Variants in PTGER3 observed in about 807,000 individuals in gnomAD.
The protein encoded by PTGER3 is prostaglandin E2 receptor EP3 subtype.
In PTGER3, 22 loss-of-function variants were observed where a neutral mutation model predicts 34.7. The ratio of observed to expected loss-of-function variants is 0.63; its 90% confidence interval spans 0.45 to 0.91. The LOEUF (loss-of-function observed/expected upper bound fraction) is 0.91, where lower values mean the gene tolerates loss of function less well. Ranked by LOEUF, PTGER3 falls within the 40% of genes least tolerant of loss-of-function variation. The probability of loss-of-function intolerance (pLI) is 0.00; values close to 1 mark genes in which losing one functional copy is unlikely to be tolerated. For missense variants in PTGER3, 468 were observed against 519.4 expected (o/e 0.90, Z 0.96); for synonymous variants, 241 against 230.1 (o/e 1.05, Z -0.43).
At chr1:71,034,549 G>C (rs1659665400) in intron 1 of PTGER3, among the ~76,000 whole-genome samples, 1 of 152,196 alleles carries the variant, frequency 6.6e-6, no homozygotes, top group Non-Finnish European at 1.5e-5. Flanking sequence ...TGTATGCAGT[G>C]ACTGAGTTGT....
chr1:70,860,034 G>A (rs1014626524), intron 4 of PTGER3, among the ~76,000 whole-genome samples: 4 of 149,730 alleles, frequency 2.7e-5, no homozygotes, highest in African/African-American at 9.8e-5. Context: ...GTATGGGACC[G>A]TAATATTAGA....
chr1:70,957,142 G>C (rs1332514532), intron 2 of PTGER3, among the ~76,000 whole-genome samples: 1 of 152,112 alleles, frequency 6.6e-6, no homozygotes, highest in Admixed American at 6.5e-5. Flanking sequence ...CTCTGTTTTC[G>C]GTAATAACAT....
At chr1:70,996,642 T>TTTA (rs1446929547) in intron 2 of PTGER3, among the ~76,000 whole-genome samples, 42 of 126,410 alleles carry the variant, frequency 3.3e-4, no homozygotes, top group African/African-American at 1.4e-3. Flanking sequence ...TTTGTATTTT[T>TTTA]ATTTATTTAT....
chr1:70,970,221 C>T (rs937262767), downstream of PTGER3, among the ~76,000 whole-genome samples: 10 of 152,122 alleles, frequency 6.6e-5, no homozygotes, highest in African/African-American at 2.4e-4. Context: ...ACTGTACCAT[C>T]TTTTGTAAAA....
intron 2 of PTGER3, among the ~76,000 whole-genome samples, chr1:70,994,721 G>T (rs146688928): frequency 6.6e-6 from 1 of 152,142 alleles, no homozygotes; most frequent in African/African-American, 2.4e-5. Context: ...CTCCTAAAGT[G>T]CTGGGATTAC....
intron 2 of PTGER3, chr1:71,006,588 T>A: frequency 1.0e-6 from 1 of 979,792 alleles, no homozygotes; most frequent in South Asian, 4.7e-5. Context: ...AGAACAATAA[T>A]CTTGAGATAA....
rs559892091 is a variant in PTGER3 at position 70,905,910 on chromosome 1, C to A, written c.*23+47853G>T. Among the ~76,000 whole-genome samples the A allele has an allele frequency of 2.4e-4, 36 of 152,238 alleles. No homozygotes were observed. The South Asian group carries it at 5.8e-3, about 25-fold the overall frequency. On this transcript the variant is annotated intron_variant, in intron 4 of 4. Coordinates refer to the PTGER3 transcript ENST00000370931. ...GACTGTGTCCCCACTCAAATCTCAT[C>A]TTGAACTGTAACTCTCACAATTGCC...
At chr1:70,937,503 T>C (rs1649334833) in intron 4 of PTGER3, among the ~76,000 whole-genome samples, 1 of 152,158 alleles carries the variant, frequency 6.6e-6, no homozygotes, top group Non-Finnish European at 1.5e-5. Flanking sequence ...TAAAGTACAC[T>C]ATGCAAAGTG....
rs1654158381 is a variant in PTGER3, at chr1:70,980,593, A to G, written c.1078-6205T>C. On this transcript the variant is annotated intron_variant, in intron 2 of 3. Coordinates refer to ENST00000306666, the MANE Select transcript of PTGER3 (RefSeq NM_198719.2). ...TCCCAGGAATCTGAGCCATGATGGC[A>G]CCAATGCACTCCAGCCTGGGTGACA... Among the ~76,000 whole-genome samples, 5 of 152,192 alleles carry G rather than the reference A, an allele frequency of 3.3e-5. No homozygotes were observed. The South Asian group carries it at 1.0e-3, about 32-fold the overall frequency.
chr1:70,973,419 T>C (rs977525154), intron 3 of PTGER3, among the ~76,000 whole-genome samples: 3 of 152,148 alleles, frequency 2.0e-5, no homozygotes, highest in African/African-American at 7.2e-5. Flanking sequence ...TATATCTCTA[T>C]TGAAAAAACA....
At chr1:70,956,602 A>G (rs1472947604) in intron 2 of PTGER3, among the ~76,000 whole-genome samples, 1 of 152,208 alleles carries the variant, frequency 6.6e-6, no homozygotes, top group African/African-American at 2.4e-5. Flanking sequence ...ATGATCATGA[A>G]CTGCCTTTAG....
intron 2 of PTGER3, among the ~76,000 whole-genome samples, chr1:70,975,216 G>A (rs536830605): frequency 6.6e-6 from 1 of 152,096 alleles, no homozygotes; most frequent in Non-Finnish European, 1.5e-5. Context: ...CAGCTACCAC[G>A]GTGCCTGGCA....
At chr1:70,942,982 T>G (rs572994795) in intron 4 of PTGER3, among the ~76,000 whole-genome samples, 17 of 152,294 alleles carry the variant, frequency 1.1e-4, no homozygotes, top group African/African-American at 3.8e-4. Context: ...AGTCTGTGGG[T>G]ATTTTGTTAC....
chr1:70,862,310 C>T, intron 4 of PTGER3: 1 of 1,352,732 alleles, frequency 7.4e-7, no homozygotes, highest in Non-Finnish European at 9.9e-7. Context: ...CTTACATCTG[C>T]TGTCAAAATA....
Position 70,971,209 on chromosome 1 carries a change from A to G in PTGER3, c.*521T>C, listed in dbSNP as rs541255075. ...AAACATTAATCATAATTGGGCACAA[A>G]TATTTTTTGTCACGATTCCCTCCTG... On this transcript the variant is annotated 3_prime_UTR_variant, in exon 4 of 4. Transcript: ENST00000306666. 2.1e-5 allele frequency: 21 copies of G among 985,362 alleles called. No homozygotes were observed. The African/African-American group carries it at 3.3e-4, about 16-fold the overall frequency. The allele number at this position is 985,362 out of a possible 1,614,324, so 61.0% of individuals were successfully genotyped here.
At chr1:70,966,902 A>G (rs1425316377), downstream of PTGER3, among the ~76,000 whole-genome samples, 1 of 152,146 alleles carries the variant, frequency 6.6e-6, no homozygotes, top group African/African-American at 2.4e-5. Flanking sequence ...TAGTGCTGCA[A>G]TAAACATACA....
intron 4 of PTGER3, chr1:70,865,679 C>A: frequency 7.3e-7 from 1 of 1,365,988 alleles, no homozygotes. Context: ...AATGTGGAGT[C>A]TTTACTTACT....
intron 2 of PTGER3, among the ~76,000 whole-genome samples, chr1:70,992,373 C>T (rs1207242035): frequency 1.3e-5 from 2 of 152,146 alleles, no homozygotes; most frequent in Admixed American, 6.5e-5. Flanking sequence ...GGAAGCAGAG[C>T]GATTTCTTTA....
intron 4 of PTGER3, among the ~76,000 whole-genome samples, chr1:70,879,082 A>G (rs990838738): frequency 3.9e-5 from 6 of 152,080 alleles, no homozygotes; most frequent in African/African-American, 1.4e-4. Context: ...AAAATCTCCT[A>G]GTATTGTTGT....
Sources: gnomAD v4.1 joint callset for allele counts (sites outside exome capture counted in the v4.1 genomes callset) on GRCh38, gnomAD v4.1.1 for gene constraint, MANE v1.5 for transcripts, NCBI Gene and HGNC (gene_info 2026-07-23, HGNC 2026-07-21) for gene names.